CSMD1: variants seen among roughly 807,000 people sequenced by gnomAD.
CSMD1 encodes CUB and sushi domain-containing protein 1.
In CSMD1, 213 loss-of-function variants were observed where a neutral mutation model predicts 417.5. That is an observed-to-expected ratio of 0.51 (90% confidence interval 0.46 to 0.57). The LOEUF is 0.57. CSMD1 is among the 20% of genes least tolerant of loss of function. The pLI is 0.00. For synonymous variants in CSMD1, 2,862 were observed against 1,736.8 expected (o/e 1.65, Z -16.11); for missense variants, 6,923 against 4,529.7 (o/e 1.53, Z -15.17).
intron 1 of CSMD1, among the ~76,000 whole-genome samples, chr8:4,640,746 CT>C (rs1381491890): frequency 1.1e-4 from 17 of 151,418 alleles, no homozygotes; most frequent in South Asian, 4.2e-4. Flanking sequence ...TTGTAAGTAC[CT>C]TTGTAATTTG....
At chr8:4,426,674 ATAT>A (rs1433884159) in intron 2 of CSMD1, among the ~76,000 whole-genome samples, 1 of 147,100 alleles carries the variant, frequency 6.8e-6, no homozygotes, top group Admixed American at 6.9e-5. Context: ...ATATTTTATT[ATAT>A]AATATAGTAA....
chr8:4,412,619 A>G (rs768931616), intron 3 of CSMD1, among the ~76,000 whole-genome samples: 3 of 152,226 alleles, frequency 2.0e-5, no homozygotes, highest in Non-Finnish European at 4.4e-5. Context: ...TGAAGTTGCA[A>G]TGGTCTATTC....
At chr8:3,029,230 G>T in intron 51 of CSMD1, 89 bp downstream of exon 51, 1 of 1,013,696 alleles carries the variant, frequency 9.9e-7, no homozygotes, top group Non-Finnish European at 1.4e-6. Context: ...GTAGATGATA[G>T]CTCCACTAGA....
rs114142930 is a variant in CSMD1 at position 3,848,584 on chromosome 8, G to A, written c.819-94542C>T. On this transcript the variant is annotated intron_variant, in intron 5 of 69. Transcript: ENST00000635120. Reference sequence around the variant, plus strand: ...CCTTTGTGCTGCTCCTTGTAAATATGTACTTTGAACTGCTCAATTTCCCTC... The same window carrying A: ...CCTTTGTGCTGCTCCTTGTAAATATATACTTTGAACTGCTCAATTTCCCTC... 2.2e-3 allele frequency among the ~76,000 whole-genome samples: 337 copies of A among 152,202 alleles called. 2 individuals are homozygous for A. The highest frequency in any genetic ancestry group is 7.7e-3 in the African/African-American group (319 of 41,542).
chr8:4,431,905 T>C (rs1293582388), intron 2 of CSMD1, among the ~76,000 whole-genome samples: 1 of 152,194 alleles, frequency 6.6e-6, no homozygotes, highest in Non-Finnish European at 1.5e-5. Flanking sequence ...GTGAATGATA[T>C]GTAACAATTG....
intron 5 of CSMD1, among the ~76,000 whole-genome samples, chr8:3,954,387 G>C (rs931149691): frequency 3.6e-4 from 54 of 152,068 alleles, no homozygotes; most frequent in African/African-American, 1.3e-3. Flanking sequence ...TTTTGAGACG[G>C]AGTCTCGCTC....
intron 40 of CSMD1, among the ~76,000 whole-genome samples, chr8:3,147,871 C>G (rs146902328): frequency 6.6e-6 from 1 of 152,300 alleles, no homozygotes; most frequent in African/African-American, 2.4e-5. Context: ...ACAGGAGGAG[C>G]TGGTTAACTG....
At chr8:3,951,811 G>T (rs1332038130) in intron 5 of CSMD1, among the ~76,000 whole-genome samples, 1 of 151,632 alleles carries the variant, frequency 6.6e-6, no homozygotes, top group Non-Finnish European at 1.5e-5. Flanking sequence ...GCAAAGAAGT[G>T]AAAAATAGTA....
intron 7 of CSMD1, among the ~76,000 whole-genome samples, chr8:3,665,212 G>T (rs1011490228): frequency 1.3e-5 from 2 of 152,108 alleles, no homozygotes; most frequent in Admixed American, 6.6e-5. Context: ...CTGATATATT[G>T]TTTTGCTAAA....
chr8:2,965,967 G>T lies in CSMD1; in HGVS notation c.9101-13C>A. On this transcript the variant is annotated splice_polypyrimidine_tract_variant and intron_variant, in intron 58 of 69. Coordinates refer to ENST00000635120, the MANE Select transcript of CSMD1 (RefSeq NM_033225.6). ...CCACAACTTATAACTAATAAACAGG[G>T]AACAGGAAAGAATCAGAGAAATTCA... 1 of 1,584,808 alleles carries T rather than the reference G, an allele frequency of 6.3e-7. No homozygotes were observed. The highest frequency in any genetic ancestry group is 8.6e-7 in the Non-Finnish European group (1 of 1,163,106).
rs150568335 is a variant in CSMD1, at chr8:4,139,640, C to T, written c.416-107541G>A. Among the ~76,000 whole-genome samples, 22 of 151,168 alleles carry T rather than the reference C, an allele frequency of 1.5e-4. 1 individual carries two copies. Among genetic ancestry groups the T allele is most frequent in the Admixed American group, 6.6e-4 (10 of 15,250 alleles). On this transcript the variant is annotated intron_variant, in intron 3 of 69. Transcript: ENST00000635120. ...GGAAGGGCATTTGGAATAGTGGGAC[C>T]AGCAGATGCAAGGGCAAAGGGATGC...
At chr8:4,765,872 G>C (rs1456079724) in intron 1 of CSMD1, among the ~76,000 whole-genome samples, 2 of 152,206 alleles carry the variant, frequency 1.3e-5, no homozygotes, top group African/African-American at 4.8e-5. Flanking sequence ...TGGCCCAGAA[G>C]CTAATCTGTT....
intron 10 of CSMD1, among the ~76,000 whole-genome samples, chr8:3,502,990 G>C (rs1311083465): frequency 1.3e-5 from 2 of 152,140 alleles, no homozygotes; most frequent in Non-Finnish European, 2.9e-5. Flanking sequence ...TGCATGTGTG[G>C]GGGCAGGGGG....
intron 3 of CSMD1, among the ~76,000 whole-genome samples, chr8:4,172,751 T>C (rs1216264976): frequency 6.6e-6 from 1 of 152,150 alleles, no homozygotes; most frequent in Non-Finnish European, 1.5e-5. Flanking sequence ...AGACTGTGGC[T>C]TCCACCTCTT....
chr8:3,268,879 G>A (rs1244697431), intron 26 of CSMD1, among the ~76,000 whole-genome samples: 2 of 151,978 alleles, frequency 1.3e-5, no homozygotes, highest in East Asian at 1.9e-4. Context: ...AACATGAGCT[G>A]GATTCATATT....
intron 10 of CSMD1, among the ~76,000 whole-genome samples, chr8:3,568,547 G>C (rs1416902975): frequency 2.0e-5 from 3 of 152,152 alleles, no homozygotes; most frequent in Non-Finnish European, 4.4e-5. Context: ...ATTAGAATCA[G>C]TAGCTGAAAT....
At chr8:3,914,855 C>G (rs1808708963) in intron 5 of CSMD1, among the ~76,000 whole-genome samples, 1 of 152,116 alleles carries the variant, frequency 6.6e-6, no homozygotes, top group Non-Finnish European at 1.5e-5. Flanking sequence ...ACTTCCAAGG[C>G]ACACATCATA....
intron 37 of CSMD1, among the ~76,000 whole-genome samples, chr8:3,165,160 G>T (rs532318834): frequency 6.6e-6 from 1 of 152,152 alleles, no homozygotes; most frequent in East Asian, 1.9e-4. Context: ...CCCTTCGCCA[G>T]TGTCACTACA....
rs139345363 is a variant in CSMD1 at position 4,248,275 on chromosome 8, C to G, written c.415+171678G>C. On this transcript the variant is annotated intron_variant, in intron 3 of 69. Transcript: ENST00000635120. ...CATTCAAGTCTTAATTTCTAGTCCACTATTCTTTATACAAACAATCTGAAT... is the reference window on the plus strand; with the variant it reads ...CATTCAAGTCTTAATTTCTAGTCCAGTATTCTTTATACAAACAATCTGAAT... 3.6e-3 allele frequency among the ~76,000 whole-genome samples: 554 copies of G among 152,282 alleles called. 3 individuals carry two copies. The highest frequency in any genetic ancestry group is 0.012 in the African/African-American group (514 of 41,564).
Sources: gnomAD v4.1 joint callset for allele counts (sites outside exome capture counted in the v4.1 genomes callset) on GRCh38, gnomAD v4.1.1 for gene constraint, MANE v1.5 for transcripts, NCBI Gene and HGNC (gene_info 2026-07-23, HGNC 2026-07-21) for gene names.